ABAT: variants seen among roughly 807,000 people sequenced by gnomAD.
ABAT encodes the protein 4-aminobutyrate aminotransferase, mitochondrial.
Under a neutral mutation model 64.6 loss-of-function variants are expected in ABAT, and 45 were observed. The observed-to-expected ratio is 0.70, with a 90% CI of 0.55 to 0.89. ABAT has a LOEUF of 0.89. ABAT is among the 40% of genes least tolerant of loss of function. ABAT has a pLI of 0.00. For synonymous variants in ABAT, 297 were observed against 250.5 expected, an observed-to-expected ratio of 1.19 and a Z score of -1.75; for missense variants, 633 against 658.4, an observed-to-expected ratio of 0.96 and a Z score of 0.42.
chr16:8,695,273 G>C (rs955876078), intron 1 of ABAT, among the ~76,000 whole-genome samples: 2 of 152,218 alleles, frequency 1.3e-5, no homozygotes, highest in African/African-American at 2.4e-5. Context: ...AGAGAGAGGA[G>C]AACTCTTCAG....
At chr16:8,705,904 C>G (rs1445996104) in intron 1 of ABAT, among the ~76,000 whole-genome samples, 1 of 152,138 alleles carries the variant, frequency 6.6e-6, no homozygotes, top group East Asian at 1.9e-4. Flanking sequence ...CCTCGGTGCC[C>G]TTGGATTATG....
At chr16:8,777,432 C>A (rs1353667867) in intron 14 of ABAT, among the ~76,000 whole-genome samples, 1 of 152,156 alleles carries the variant, frequency 6.6e-6, no homozygotes, top group African/African-American at 2.4e-5. Flanking sequence ...CATCTCAATT[C>A]CAGGCAATAG....
At chr16:8,728,078 G>A (rs1054882197) in intron 1 of ABAT, among the ~76,000 whole-genome samples, 5 of 152,074 alleles carry the variant, frequency 3.3e-5, no homozygotes, top group Admixed American at 6.6e-5. Flanking sequence ...CAGAGAGAGA[G>A]AGAGAGAGAG....
chr16:8,683,803 A>G (rs35916063), intron 1 of ABAT, among the ~76,000 whole-genome samples: 88,977 of 151,574 alleles, frequency 0.59, 26,476 homozygotes, highest in East Asian at 0.77. Flanking sequence ...ATTGAACAAG[A>G]AAAGCCAGGC....
intron 1 of ABAT, among the ~76,000 whole-genome samples, chr16:8,718,173 A>G (rs1253221527): frequency 6.6e-6 from 1 of 152,220 alleles, no homozygotes; most frequent in East Asian, 1.9e-4. Context: ...ATGGAATAAG[A>G]TGAAGCAGAA....
At chr16:8,768,161 T>A in intron 9 of ABAT, 32 bp from the exon 10 acceptor site, 3 of 1,606,550 alleles carry the variant, frequency 1.9e-6, no homozygotes, top group Non-Finnish European at 2.6e-6. Flanking sequence ...TCCTTACAAC[T>A]ATGACTAATG....
intron 2 of ABAT, among the ~76,000 whole-genome samples, chr16:8,742,430 T>C (rs1366968909): frequency 6.6e-6 from 1 of 152,126 alleles, no homozygotes; most frequent in East Asian, 1.9e-4. Flanking sequence ...TTTTTCATTT[T>C]CCCCCTTTGC....
intron 1 of ABAT, among the ~76,000 whole-genome samples, chr16:8,728,833 C>A (rs1012500120): frequency 1.3e-5 from 2 of 152,296 alleles, no homozygotes; most frequent in Non-Finnish European, 2.9e-5. Flanking sequence ...GAGATCACGC[C>A]ACTGTACTCC....
intron 1 of ABAT, chr16:8,722,872 G>C: frequency 7.8e-7 from 1 of 1,288,842 alleles, no homozygotes; most frequent in South Asian, 1.2e-5. Context: ...AAAATGCTGT[G>C]GCAAATTCTC....
intron 11 of ABAT, among the ~76,000 whole-genome samples, chr16:8,772,223 C>T (rs1435947226): frequency 7.0e-6 from 1 of 143,764 alleles, no homozygotes; most frequent in African/African-American, 2.7e-5. Context: ...TTTATGTGTG[C>T]CAGACTCTGC....
intron 3 of ABAT, among the ~76,000 whole-genome samples, chr16:8,747,907 C>T (rs1036954259): frequency 3.3e-5 from 5 of 151,928 alleles, no homozygotes; most frequent in Admixed American, 6.6e-5. Flanking sequence ...GTCTATCGTA[C>T]TAGTAATTTA....
At chr16:8,708,744 G>A (rs1346016843) in intron 1 of ABAT, among the ~76,000 whole-genome samples, 2 of 152,216 alleles carry the variant, frequency 1.3e-5, no homozygotes, top group African/African-American at 2.4e-5. Flanking sequence ...TAAGCTTTGG[G>A]CTTTGGTTCA....
intron 1 of ABAT, chr16:8,715,397 C>G (rs546664471): frequency 2.6e-5 from 4 of 152,114 alleles, no homozygotes; most frequent in East Asian, 1.9e-4. Flanking sequence ...GGAGGAGGAT[C>G]ACTTGAAGTC....
At chr16:8,763,782 C>T (rs1255249436) in intron 6 of ABAT, among the ~76,000 whole-genome samples, 1 of 152,128 alleles carries the variant, frequency 6.6e-6, no homozygotes, top group Non-Finnish European at 1.5e-5. Context: ...ACAAAGAGCC[C>T]CATGTACGCT....
At chr16:8,773,307 A>G (rs1196337962) in intron 12 of ABAT, among the ~76,000 whole-genome samples, 1 of 152,048 alleles carries the variant, frequency 6.6e-6, no homozygotes, top group Non-Finnish European at 1.5e-5. Flanking sequence ...ACACGTCACC[A>G]TACCCAACTA....
intron 1 of ABAT, among the ~76,000 whole-genome samples, chr16:8,709,852 C>G (rs189234421): frequency 1.9e-3 from 285 of 150,940 alleles, no homozygotes; most frequent in African/African-American, 6.5e-3. Context: ...GACAGGCTCT[C>G]ACTTTGTCAC....
At chr16:8,706,868 G>A (rs189832786) in intron 1 of ABAT, among the ~76,000 whole-genome samples, 99 of 152,332 alleles carry the variant, frequency 6.5e-4, no homozygotes, top group African/African-American at 1.9e-3. Flanking sequence ...GAGTGTTTGC[G>A]ACCTGAGTGA....
At chr16:8,748,084 T>C (rs759927778) in intron 3 of ABAT, 24 bp from the exon 4 acceptor site, 4 of 1,612,208 alleles carry the variant, frequency 2.5e-6, no homozygotes, top group Non-Finnish European at 3.4e-6. Context: ...CTTGCTATAA[T>C]GCTTTTGTTG....
chr16:8,697,234 T>A (rs74009753), intron 1 of ABAT, among the ~76,000 whole-genome samples: 51 of 152,244 alleles, frequency 3.3e-4, no homozygotes, highest in African/African-American at 1.2e-3. Context: ...AGCAGATGCA[T>A]GGCAGGTCCC....
Sources: allele counts gnomAD v4.1 joint callset (sites outside exome capture counted in the v4.1 genomes callset), GRCh38; gene constraint gnomAD v4.1.1; transcripts MANE v1.5; gene names NCBI Gene and HGNC (gene_info 2026-07-23, HGNC 2026-07-21).